GRID2: variants seen among roughly 807,000 people sequenced by gnomAD.
GRID2 encodes the protein glutamate receptor ionotropic, delta-2.
Under a neutral mutation model 114.8 loss-of-function variants are expected in GRID2, and 33 were observed. That is an observed-to-expected ratio of 0.29 (90% CI 0.22 to 0.38). The LOEUF is 0.38. Ranked by LOEUF, GRID2 falls within the 10% of genes least tolerant of loss-of-function variation. GRID2 has a pLI of 1.00. For synonymous variants in GRID2, 505 were observed against 449.9 expected, an observed-to-expected ratio of 1.12 and a Z score of -1.55; for missense variants, 1,184 against 1,257.7, an observed-to-expected ratio of 0.94 and a Z score of 0.89.
chr4:92,710,061 A>C (rs775909858), intron 2 of GRID2, among the ~76,000 whole-genome samples: 8 of 152,130 alleles, frequency 5.3e-5, no homozygotes, highest in African/African-American at 1.9e-4. Flanking sequence ...TTTGACATAC[A>C]GTTTATATTA....
intron 2 of GRID2, among the ~76,000 whole-genome samples, chr4:92,633,193 C>T (rs1405357927): frequency 6.6e-6 from 1 of 152,054 alleles, no homozygotes; most frequent in Non-Finnish European, 1.5e-5. Context: ...TTCAATTTTT[C>T]ATTGTATTTT....
chr4:93,209,423 A>G (rs1194960066), intron 5 of GRID2, among the ~76,000 whole-genome samples: 2 of 152,024 alleles, frequency 1.3e-5, no homozygotes, highest in Non-Finnish European at 2.9e-5. Context: ...TGCGAAGGAC[A>G]TATCATTCCT....
chr4:93,604,523 C>T (rs942452053), intron 13 of GRID2, among the ~76,000 whole-genome samples: 2 of 152,130 alleles, frequency 1.3e-5, no homozygotes, highest in Non-Finnish European at 2.9e-5. Flanking sequence ...ATAACATAAA[C>T]TTAGTTGGTA....
intron 2 of GRID2, among the ~76,000 whole-genome samples, chr4:92,661,513 C>A (rs940700260): frequency 1.3e-5 from 2 of 150,772 alleles, no homozygotes; most frequent in African/African-American, 4.8e-5. Flanking sequence ...CTATGTGCCT[C>A]ATTTCTTAAT....
In GRID2 at chr4:92,738,880, G is replaced by T. The variant is rs1301950594; in HGVS notation, c.244+148594G>T. On this transcript the variant is annotated intron_variant, in intron 2 of 15. Coordinates refer to ENST00000282020, the MANE Select transcript of GRID2 (RefSeq NM_001510.4). ...TTGTTAACATCTCTATGTTGCCCAG[G>T]TTGGTCTAGAACCCTGGCTCTAAGC... is the stretch of plus-strand genomic sequence containing the variant. Among the ~76,000 whole-genome samples the T allele has an allele frequency of 4.6e-5, 7 of 152,028 alleles. No homozygotes were observed. In the East Asian group the frequency reaches 1.2e-3, roughly 25 times the overall value.
At chr4:93,330,882 A>T (rs1446880857) in intron 8 of GRID2, among the ~76,000 whole-genome samples, 1 of 152,080 alleles carries the variant, frequency 6.6e-6, no homozygotes, top group African/African-American at 2.4e-5. Context: ...CAAGGTAGTG[A>T]TAGATTACAG....
intron 9 of GRID2, among the ~76,000 whole-genome samples, chr4:93,413,167 G>C (rs954781412): frequency 6.6e-6 from 1 of 152,034 alleles, no homozygotes; most frequent in African/African-American, 2.4e-5. Context: ...TTGAGGAATC[G>C]CCACACTGCC....
intron 4 of GRID2, among the ~76,000 whole-genome samples, chr4:93,183,050 C>T (rs1477264810): frequency 6.6e-6 from 1 of 152,192 alleles, no homozygotes; most frequent in Non-Finnish European, 1.5e-5. Context: ...TTCTTTTATT[C>T]ATCAACTGAG....
intron 1 of GRID2, among the ~76,000 whole-genome samples, chr4:92,375,733 A>C (rs938577539): frequency 1.5e-4 from 23 of 152,162 alleles, no homozygotes; most frequent in African/African-American, 5.6e-4. Flanking sequence ...CATTATTCAC[A>C]CACTGCATCA....
chr4:93,373,061 A>C (rs1167526464), intron 8 of GRID2, among the ~76,000 whole-genome samples: 1 of 152,140 alleles, frequency 6.6e-6, no homozygotes, highest in South Asian at 2.1e-4. Flanking sequence ...TCAAGTCTTC[A>C]ACCCATCTCC....
intron 13 of GRID2, among the ~76,000 whole-genome samples, chr4:93,603,921 A>G (rs555846959): frequency 6.6e-6 from 1 of 152,284 alleles, no homozygotes; most frequent in South Asian, 2.1e-4. Context: ...ATGACTGCCC[A>G]TTGACAATGC....
chr4:93,266,761 C>T (rs1433943564), intron 8 of GRID2, among the ~76,000 whole-genome samples: 1 of 152,088 alleles, frequency 6.6e-6, no homozygotes, highest in Non-Finnish European at 1.5e-5. Context: ...GATCTCTTTC[C>T]TCTTGAGTCT....
intron 1 of GRID2, among the ~76,000 whole-genome samples, chr4:92,374,514 G>A (rs1223073879): frequency 1.3e-5 from 2 of 152,072 alleles, no homozygotes; most frequent in African/African-American, 4.8e-5. Flanking sequence ...TTGGGCATAT[G>A]TTCTCAGGAC....
intron 2 of GRID2, among the ~76,000 whole-genome samples, chr4:92,835,250 T>C (rs1168905000): frequency 6.6e-6 from 1 of 150,620 alleles, no homozygotes; most frequent in Non-Finnish European, 1.5e-5. Flanking sequence ...TATCTCAAAG[T>C]GTCAAAACAA....
intron 15 of GRID2, among the ~76,000 whole-genome samples, chr4:93,771,604 AT>A (rs1734113403): frequency 6.6e-6 from 1 of 152,210 alleles, no homozygotes. Flanking sequence ...AGCTTACTAT[AT>A]CATTTTTTTC....
intron 2 of GRID2, among the ~76,000 whole-genome samples, chr4:92,685,931 T>C (rs1466451263): frequency 2.0e-5 from 3 of 152,038 alleles, no homozygotes; most frequent in Admixed American, 2.0e-4. Flanking sequence ...TTTAAGAAAA[T>C]TTGAATCACA....
chr4:92,330,515 T>C (rs1726828461), intron 1 of GRID2, among the ~76,000 whole-genome samples: 1 of 152,130 alleles, frequency 6.6e-6, no homozygotes, highest in Non-Finnish European at 1.5e-5. Flanking sequence ...TAAATAGAGT[T>C]GGTAAGATTT....
chr4:92,782,566 T>G (rs568416954), intron 2 of GRID2, among the ~76,000 whole-genome samples: 27 of 152,144 alleles, frequency 1.8e-4, no homozygotes, highest in Non-Finnish European at 3.4e-4. Context: ...CCTAAAAATT[T>G]TACTCAAAGA....
chr4:92,309,685 A>G (rs1427107759), intron 1 of GRID2, among the ~76,000 whole-genome samples: 2 of 151,978 alleles, frequency 1.3e-5, no homozygotes, highest in Non-Finnish European at 2.9e-5. Context: ...TAAGAATTTA[A>G]TGCTAGGACA....
Sources: gnomAD v4.1 joint callset for allele counts (sites outside exome capture counted in the v4.1 genomes callset) on GRCh38, gnomAD v4.1.1 for gene constraint, MANE v1.5 for transcripts, NCBI Gene and HGNC (gene_info 2026-07-23, HGNC 2026-07-21) for gene names.